GRAMD1C: variants seen among roughly 807,000 people sequenced by gnomAD.
GRAMD1C encodes protein Aster-C.
Under a neutral mutation model 97.8 loss-of-function variants are expected in GRAMD1C, and 89 were observed. That is an observed-to-expected ratio of 0.91 (90% CI 0.77 to 1.09). The LOEUF (loss-of-function observed/expected upper bound fraction) is 1.09, where lower values mean the gene tolerates loss of function less well. Ranked by LOEUF, GRAMD1C falls within the 50% of genes least tolerant of loss-of-function variation. The pLI, the probability that GRAMD1C is intolerant of heterozygous loss-of-function variation, is 0.00. For synonymous variants in GRAMD1C, 256 were observed against 267.0 expected (o/e 0.96, Z 0.40); for missense variants, 740 against 766.4 (o/e 0.97, Z 0.41).
intron 11 of GRAMD1C, 48 bp from the exon 12 acceptor site, chr3:113,933,463 C>T (rs915278219): frequency 1.5e-6 from 2 of 1,337,302 alleles, no homozygotes; most frequent in Non-Finnish European, 1.1e-6. Context: ...CAAGAAGATT[C>T]ATATATTAAG....
At chr3:113,901,214 C>A in intron 7 of GRAMD1C, 68 bp downstream of exon 7, 1 of 833,848 alleles carries the variant, frequency 1.2e-6, no homozygotes, top group South Asian at 1.4e-5. Flanking sequence ...ATTTTACATT[C>A]GACTAATTCT....
intron 17 of GRAMD1C, 150 bp downstream of exon 17, chr3:113,940,495 G>T: frequency 1.8e-6 from 1 of 566,264 alleles, no homozygotes; most frequent in Non-Finnish European, 3.2e-6. Context: ...TAGTATGCAA[G>T]GGTATTACAT....
At chr3:113,890,572 G>A in intron 6 of GRAMD1C, 1 of 555,380 alleles carries the variant, frequency 1.8e-6, no homozygotes, top group South Asian at 2.7e-5. Context: ...TTCTAGCACT[G>A]GCTGAAAACT....
intron 2 of GRAMD1C, among the ~76,000 whole-genome samples, chr3:113,867,347 C>T (rs1280936136): frequency 6.6e-6 from 1 of 152,082 alleles, no homozygotes; most frequent in Admixed American, 6.6e-5. Flanking sequence ...GGCTGGAGTG[C>T]AGTGGTGCGA....
intron 3 of GRAMD1C, 67 bp downstream of exon 3, chr3:113,869,658 G>A (rs541486779): frequency 2.0e-4 from 145 of 727,468 alleles, no homozygotes; most frequent in South Asian, 1.9e-3. Flanking sequence ...ATAAGTGACA[G>A]TATATGTAAT....
chr3:113,900,238 A>G (rs927563748), intron 6 of GRAMD1C, among the ~76,000 whole-genome samples: 3 of 151,254 alleles, frequency 2.0e-5, no homozygotes, highest in African/African-American at 4.9e-5. Context: ...GCACACCTGC[A>G]ATCCCAGCCA....
chr3:113,856,663 C>T (rs1934143418), intron 2 of GRAMD1C, among the ~76,000 whole-genome samples: 1 of 152,114 alleles, frequency 6.6e-6, no homozygotes, highest in Non-Finnish European at 1.5e-5. Context: ...TATGAGCCTC[C>T]TGAGTAGCTG....
chr3:113,906,612 T>C (rs1936382412), intron 8 of GRAMD1C, among the ~76,000 whole-genome samples: 1 of 152,096 alleles, frequency 6.6e-6, no homozygotes, highest in South Asian at 2.1e-4. Context: ...AAAATAAAAA[T>C]GTTACAGTAA....
chr3:113,858,312 A>G (rs1387015135), intron 2 of GRAMD1C, among the ~76,000 whole-genome samples: 1 of 151,240 alleles, frequency 6.6e-6, no homozygotes, highest in Non-Finnish European at 1.5e-5. Flanking sequence ...AGCTCACTGC[A>G]GCCTCCACCT....
upstream of GRAMD1C, among the ~76,000 whole-genome samples, chr3:113,837,734 A>G (rs1213575538): frequency 2.7e-5 from 4 of 146,640 alleles, no homozygotes; most frequent in African/African-American, 7.4e-5. Flanking sequence ...AAACAAACAA[A>G]CAAACAAACA....
intron 8 of GRAMD1C, among the ~76,000 whole-genome samples, chr3:113,906,346 C>G (rs942882341): frequency 1.3e-5 from 2 of 152,034 alleles, no homozygotes; most frequent in Admixed American, 1.3e-4. Context: ...ACCTTCTAGT[C>G]GTACAAAATG....
At chr3:113,855,736 T>C (rs1700230940) in intron 2 of GRAMD1C, among the ~76,000 whole-genome samples, 1 of 151,634 alleles carries the variant, frequency 6.6e-6, no homozygotes, top group South Asian at 2.1e-4. Context: ...AAAATCATAA[T>C]AATTAAGTGA....
At chr3:113,866,610 CTTCT>C (rs1319200216) in intron 2 of GRAMD1C, among the ~76,000 whole-genome samples, 1 of 152,008 alleles carries the variant, frequency 6.6e-6, no homozygotes, top group Admixed American at 6.6e-5. Flanking sequence ...TTCTGTTCCC[CTTCT>C]TTATGTGTCA....
At chr3:113,921,037 G>T (rs1447209723) in intron 10 of GRAMD1C, among the ~76,000 whole-genome samples, 1 of 152,130 alleles carries the variant, frequency 6.6e-6, no homozygotes, top group Non-Finnish European at 1.5e-5. Context: ...TACCCAATAG[G>T]TAGTTTTCAG....
intron 4 of GRAMD1C, 146 bp downstream of exon 4, chr3:113,875,733 G>T: frequency 1.8e-6 from 1 of 556,256 alleles, no homozygotes; most frequent in South Asian, 2.5e-5. Context: ...ATACAAACGT[G>T]TTGTATATAT....
At chr3:113,848,542 T>C (rs1008001898) in intron 2 of GRAMD1C, among the ~76,000 whole-genome samples, 1 of 152,064 alleles carries the variant, frequency 6.6e-6, no homozygotes, top group Middle Eastern at 3.4e-3. Flanking sequence ...TTGTGGCTCA[T>C]GCTTATAATC....
chr3:113,858,765 A>G (rs1934255744), intron 2 of GRAMD1C, among the ~76,000 whole-genome samples: 1 of 151,666 alleles, frequency 6.6e-6, no homozygotes, highest in Non-Finnish European at 1.5e-5. Flanking sequence ...TACCATGTTG[A>G]CCAGGCTGGT....
chr3:113,920,275 G>A (rs1053783510), intron 10 of GRAMD1C: 1 of 629,312 alleles, frequency 1.6e-6, no homozygotes, highest in Non-Finnish European at 2.6e-6. Context: ...GTTGAAGATG[G>A]TTGCAGCTGT....
intron 1 of GRAMD1C, among the ~76,000 whole-genome samples, chr3:113,844,168 C>G (rs1317748454): frequency 6.6e-6 from 1 of 152,100 alleles, no homozygotes; most frequent in Admixed American, 6.6e-5. Context: ...GTGGCTCATG[C>G]CTATAATCCC....
Sources: gnomAD v4.1 joint callset for allele counts (sites outside exome capture counted in the v4.1 genomes callset) on GRCh38, gnomAD v4.1.1 for gene constraint, MANE v1.5 for transcripts, NCBI Gene and HGNC (gene_info 2026-07-23, HGNC 2026-07-21) for gene names.